The following HDX variants were observed in gnomAD, a reference collection of about 807,000 sequenced individuals.
HDX encodes the protein highly divergent homeobox, also known as chromosome X open reading frame 43.
HDX carries 19 observed loss-of-function variants against 45.2 expected under a neutral mutation model. The ratio of observed to expected loss-of-function variants is 0.42; its 90% confidence interval spans 0.29 to 0.62. The LOEUF (loss-of-function observed/expected upper bound fraction) is 0.62, where lower values mean the gene tolerates loss of function less well. HDX is among the 20% of genes least tolerant of loss of function. The pLI is 0.20. For missense variants in HDX, 532 were observed against 493.9 expected (o/e 1.08, Z -0.73); for synonymous variants, 188 against 172.8 (o/e 1.09, Z -0.69).
At chrX:84,468,131 A>G (rs1406809837) in intron 4 of HDX, among the ~76,000 whole-genome samples, 1 of 111,415 alleles carries the variant, frequency 9.0e-6, no homozygotes, top group Admixed American at 9.6e-5. Flanking sequence ...TTATAGGAAT[A>G]ATCTATGTTC....
chrX:84,330,619 T>A (rs1027839546), intron 9 of HDX, among the ~76,000 whole-genome samples: 3 of 111,595 alleles, frequency 2.7e-5, no homozygotes, highest in Non-Finnish European at 3.8e-5. Context: ...TACGTTATCA[T>A]TATAGTAGTA....
intron 5 of HDX, among the ~76,000 whole-genome samples, chrX:84,385,682 A>G (rs1003000410): frequency 9.0e-6 from 1 of 110,635 alleles, no homozygotes; most frequent in Non-Finnish European, 1.9e-5. Context: ...TAGAAATGCT[A>G]CTAAATTTTG....
intron 4 of HDX, among the ~76,000 whole-genome samples, chrX:84,463,551 A>G (rs1302460709): frequency 5.4e-5 from 6 of 111,531 alleles, no homozygotes; most frequent in African/African-American, 1.3e-4. Context: ...TCTAAAATCC[A>G]TGAGAAATGG....
intron 5 of HDX, among the ~76,000 whole-genome samples, chrX:84,395,956 C>A (rs1475515229): frequency 9.0e-6 from 1 of 111,385 alleles, no homozygotes; most frequent in Non-Finnish European, 1.9e-5. Flanking sequence ...TCATTCATAT[C>A]CTGAATTTTC....
chrX:84,366,741 AT>A (rs1407380298), intron 5 of HDX, among the ~76,000 whole-genome samples: 1 of 111,590 alleles, frequency 9.0e-6, no homozygotes, highest in African/African-American at 3.3e-5. Flanking sequence ...GAGCAACCCC[AT>A]TAAACAAGCA....
At chrX:84,489,847 A>G (rs2040860140) in intron 1 of HDX, among the ~76,000 whole-genome samples, 1 of 112,046 alleles carries the variant, frequency 8.9e-6, no homozygotes, top group South Asian at 3.7e-4. Context: ...TGTCCTAAAA[A>G]ACTTTTGTGT....
intron 5 of HDX, among the ~76,000 whole-genome samples, chrX:84,438,460 A>C (rs2039687541): frequency 9.1e-6 from 1 of 110,411 alleles, no homozygotes; most frequent in African/African-American, 3.3e-5. Flanking sequence ...ATTGCATAAC[A>C]GTGAGGCTTC....
intron 5 of HDX, among the ~76,000 whole-genome samples, chrX:84,392,584 ATTTAT>A (rs2147934623): frequency 9.0e-6 from 1 of 110,704 alleles, no homozygotes; most frequent in East Asian, 2.8e-4. Flanking sequence ...GTCCTCTTCA[ATTTAT>A]TTTATTATTA....
chrX:84,405,030 T>C (rs1223190723), intron 5 of HDX, among the ~76,000 whole-genome samples: 3 of 111,190 alleles, frequency 2.7e-5, no homozygotes, highest in Non-Finnish European at 5.7e-5. Flanking sequence ...GATTTTCCAT[T>C]AATATGAACG....
intron 3 of HDX, among the ~76,000 whole-genome samples, chrX:84,471,705 C>T (rs867501861): frequency 2.7e-4 from 29 of 109,225 alleles, no homozygotes; most frequent in South Asian, 2.0e-3. Context: ...GAAAATGTTC[C>T]ACAAACTGTA....
chrX:84,414,926 ACT>A (rs1412542467), intron 5 of HDX, among the ~76,000 whole-genome samples: 1 of 112,086 alleles, frequency 8.9e-6, no homozygotes, highest in Non-Finnish European at 1.9e-5. Flanking sequence ...ATTACTAAAG[ACT>A]CATAGTCTTA....
chrX:84,367,003 T>A (rs1437535551), intron 5 of HDX, among the ~76,000 whole-genome samples: 1 of 111,521 alleles, frequency 9.0e-6, no homozygotes, highest in East Asian at 2.8e-4. Context: ...ACAAATGGGA[T>A]CTAATTAAAC....
intron 5 of HDX, among the ~76,000 whole-genome samples, chrX:84,366,899 G>C (rs2037770373): frequency 8.9e-6 from 1 of 111,965 alleles, no homozygotes; most frequent in Admixed American, 9.5e-5. Flanking sequence ...AAAAACTACA[G>C]AAGAAAACCT....
intron 5 of HDX, among the ~76,000 whole-genome samples, chrX:84,438,377 T>A (rs1419858070): frequency 2.7e-5 from 3 of 111,477 alleles, no homozygotes; most frequent in Non-Finnish European, 5.7e-5. Context: ...ACTTGGGTTA[T>A]CTTTCTTTTT....
At chrX:84,338,186 A>C (rs1260294458) in intron 7 of HDX, among the ~76,000 whole-genome samples, 1 of 110,806 alleles carries the variant, frequency 9.0e-6, no homozygotes, top group Non-Finnish European at 1.9e-5. Flanking sequence ...TAAGAGGAAA[A>C]TGTGGTCGAT....
Position 84,321,272 on chromosome X carries a change from C to G in HDX, c.*617G>C, listed in dbSNP as rs1234023499. 1 of 110,426 alleles carries G rather than the reference C, an allele frequency of 9.1e-6. No homozygotes were observed. Among genetic ancestry groups the G allele is most frequent in the East Asian group, 2.8e-4 (1 of 3,535 alleles). The allele number at this position is 110,426 out of a possible 1,213,427, so 9.1% of individuals were successfully genotyped here. ...ACCTTTCCATTGTGCTTCCCCACCC[C>G]CACACAAATATTTGGGTTAGATAAT... On this transcript the variant is annotated 3_prime_UTR_variant, in exon 11 of 11. Transcript: ENST00000373177.
intron 8 of HDX, among the ~76,000 whole-genome samples, chrX:84,335,898 C>T (rs897199822): frequency 9.1e-6 from 1 of 110,326 alleles, no homozygotes; most frequent in Non-Finnish European, 1.9e-5. Context: ...CTATTTTATG[C>T]GCTCAACTTT....
At chrX:84,431,396 T>A (rs2039502141) in intron 5 of HDX, among the ~76,000 whole-genome samples, 1 of 111,014 alleles carries the variant, frequency 9.0e-6, no homozygotes, top group South Asian at 3.8e-4. Context: ...CAAATGGTAA[T>A]TCTGTTTTAA....
intron 5 of HDX, among the ~76,000 whole-genome samples, chrX:84,385,449 G>T (rs1297835762): frequency 1.8e-5 from 2 of 108,620 alleles, no homozygotes; most frequent in African/African-American, 6.7e-5. Flanking sequence ...TCCTGACCTC[G>T]TGATCCGCCC....
Sources: gnomAD v4.1 joint callset for allele counts (sites outside exome capture counted in the v4.1 genomes callset) on GRCh38, gnomAD v4.1.1 for gene constraint, MANE v1.5 for transcripts, NCBI Gene and HGNC (gene_info 2026-07-23, HGNC 2026-07-21) for gene names.